Variants in NLRP8 observed in about 807,000 individuals in gnomAD.
NLRP8 encodes the protein NACHT, LRR and PYD domains-containing protein 8.
In NLRP8, 86 loss-of-function variants were observed where a neutral mutation model predicts 88.7. The observed-to-expected ratio is 0.97, with a 90% CI of 0.81 to 1.16. The LOEUF (loss-of-function observed/expected upper bound fraction) is 1.16. Ranked by LOEUF, NLRP8 falls within the 50% of genes most tolerant of loss-of-function variation. The pLI, the probability that NLRP8 is intolerant of heterozygous loss-of-function variation, is 0.00. For synonymous variants in NLRP8, 504 were observed against 494.6 expected, an observed-to-expected ratio of 1.02 and a Z score of -0.25; for missense variants, 1,342 against 1,286.5, an observed-to-expected ratio of 1.04 and a Z score of -0.66.
intron 6 of NLRP8, among the ~76,000 whole-genome samples, chr19:55,971,117 G>A (rs1568465892): frequency 6.6e-6 from 1 of 151,978 alleles, no homozygotes; most frequent in African/African-American, 2.4e-5. Flanking sequence ...CCTTAAACAG[G>A]CATCACATCG....
intron 8 of NLRP8, 72 bp from the exon 9 acceptor site, chr19:55,979,322 G>A (rs545100993): frequency 2.4e-5 from 37 of 1,548,336 alleles, no homozygotes; most frequent in African/African-American, 2.2e-4. Context: ...GCTGTAAGCC[G>A]TCACACCGGC....
intron 8 of NLRP8, among the ~76,000 whole-genome samples, chr19:55,977,220 T>TAC (rs1405131476): frequency 1.9e-4 from 1 of 5,254 alleles, no homozygotes; most frequent in South Asian, 0.011. Flanking sequence ...GATACATATA[T>TAC]ATATATATGT....
rs756232658 is a variant in NLRP8, at chr19:55,987,949, C to T, written c.*36C>T. 7 of 1,487,400 alleles carry T rather than the reference C, an allele frequency of 4.7e-6. No individual in the cohort carries two copies. In the Admixed American group the frequency reaches 5.0e-5, roughly 11 times the overall value. The allele number at this position is 1,487,400 out of a possible 1,614,324, so 92.1% of individuals were successfully genotyped here. On this transcript the variant is annotated 3_prime_UTR_variant, in exon 10 of 10. Transcript: ENST00000291971. ...CATCTTTCTCTGGGGCTTGATTGAT[C>T]AGTTCCCACTCTGACAACTGGCAAA...
intron 9 of NLRP8, among the ~76,000 whole-genome samples, chr19:55,979,817 G>A (rs1980500159): frequency 6.6e-6 from 1 of 152,130 alleles, no homozygotes; most frequent in African/African-American, 2.4e-5. Context: ...TACTCAGGAG[G>A]CTGAGGTGAG....
intron 6 of NLRP8, among the ~76,000 whole-genome samples, chr19:55,971,701 AAGAATTGC>A (rs1346978670): frequency 1.3e-5 from 2 of 152,154 alleles, no homozygotes; most frequent in Admixed American, 6.6e-5. Context: ...ATTCTAAGAA[AAGAATTGC>A]AGGGCCTTGG....
chr19:55,972,272 A>C (rs775319823), intron 6 of NLRP8, among the ~76,000 whole-genome samples: 8 of 150,900 alleles, frequency 5.3e-5, no homozygotes, highest in Non-Finnish European at 7.4e-5. Context: ...CTGCCACCGC[A>C]CTCAGCTGCT....
At position 55,948,066 on chromosome 19, in the gene NLRP8, G is replaced by A. The variant is rs145268550; in HGVS notation, c.164G>A (p.Arg55Gln). Residue 55 changes from arginine to glutamine, a missense_variant, in exon 1 of 10, where the codon CGG becomes CAG. By Grantham distance (43) the Arg-to-Gln change is conservative (BLOSUM62 1). Transcript: ENST00000291971. ...AACGTGAGCCATGAGGAGCTACAAC[G>A]GTTCAAGCAGCTCTTACTGACTGAG... The A allele has an allele frequency of 2.6e-4, 418 of 1,614,056 alleles. No individual in the cohort carries two copies. The highest frequency in any genetic ancestry group is 3.3e-4 in the Non-Finnish European group (395 of 1,180,002).
intron 9 of NLRP8, among the ~76,000 whole-genome samples, chr19:55,983,501 C>T (rs1424031361): frequency 2.1e-5 from 3 of 141,200 alleles, no homozygotes; most frequent in Non-Finnish European, 3.0e-5. Flanking sequence ...AAATGAAAGA[C>T]GAAATGTGGT....
intron 3 of NLRP8, among the ~76,000 whole-genome samples, chr19:55,960,838 T>C (rs1045977169): frequency 1.3e-5 from 2 of 151,970 alleles, no homozygotes; most frequent in African/African-American, 4.8e-5. Context: ...ATAGGTGTGC[T>C]AGAGATGATT....
chr19:55,981,835 T>C (rs999712534), intron 9 of NLRP8, among the ~76,000 whole-genome samples: 1 of 152,228 alleles, frequency 6.6e-6, no homozygotes, highest in Non-Finnish European at 1.5e-5. Context: ...AATGTTTTTT[T>C]TCCCCTTCTG....
chr19:55,979,516 C>T lies in NLRP8; in HGVS notation c.2999C>T (p.Thr1000Ile). The T allele has an allele frequency of 6.2e-7, 1 of 1,614,190 alleles. No individual in the cohort carries two copies. Among genetic ancestry groups the T allele is most frequent in the Non-Finnish European group, 8.5e-7 (1 of 1,180,032 alleles). Residue 1000 changes from threonine (T) to isoleucine (I), a missense_variant, in exon 9 of 10, where the codon ACC becomes ATC. Transcript: ENST00000291971. ...GCGATTGGAGTCTATGGTATTCTGA[C>T]CTTGTGCGAGGCCTTCTCAAGCCAA...
At chr19:55,987,670 A>G (rs1305232779) in intron 9 of NLRP8, 2 of 622,806 alleles carry the variant, frequency 3.2e-6, no homozygotes, top group African/African-American at 1.8e-5. Flanking sequence ...GCTGCTTTCT[A>G]ATCATTCAGG....
intron 1 of NLRP8, among the ~76,000 whole-genome samples, chr19:55,949,409 T>A: frequency 6.6e-6 from 1 of 152,124 alleles, no homozygotes; most frequent in East Asian, 1.9e-4. Flanking sequence ...AGCTAATTTT[T>A]GTATTTTTAG....
chr19:55,968,565 A>T (rs551723931), intron 5 of NLRP8, among the ~76,000 whole-genome samples: 10 of 151,804 alleles, frequency 6.6e-5, no homozygotes, highest in Non-Finnish European at 1.0e-4. Context: ...ACATGGTGAA[A>T]CCCTGTCTCT....
Position 55,948,115 on chromosome 19 carries a change from C to T in NLRP8, c.213C>T (p.Ile71=). 6.2e-7 allele frequency: 1 copy of T among 1,614,200 alleles called. No homozygotes were observed. The highest frequency in any genetic ancestry group is 8.5e-7 in the Non-Finnish European group (1 of 1,180,034). ...AGCTCAGTACTGGCACCATGCCCATCACCTGGGACCAGGTCGAGACAGCCA... is the reference window on the plus strand; with the variant it reads ...AGCTCAGTACTGGCACCATGCCCATTACCTGGGACCAGGTCGAGACAGCCA... Residue 71 remains isoleucine (I), a synonymous_variant, in exon 1 of 10, where the codon ATC becomes ATT. Coordinates refer to ENST00000291971, the MANE Select transcript of NLRP8 (RefSeq NM_176811.2).
intron 1 of NLRP8, among the ~76,000 whole-genome samples, chr19:55,951,958 C>A (rs749336022): frequency 1.2e-4 from 18 of 152,076 alleles, no homozygotes; most frequent in African/African-American, 3.4e-4. Flanking sequence ...TGCTATGTTG[C>A]CCAAGCTGGT....
At chr19:55,981,731 T>G (rs1980580553) in intron 9 of NLRP8, among the ~76,000 whole-genome samples, 2 of 152,154 alleles carry the variant, frequency 1.3e-5, no homozygotes, top group African/African-American at 4.8e-5. Context: ...AAAAATGAAG[T>G]GTAACTCTTA....
chr19:55,958,274 A>G (rs1045306573), intron 3 of NLRP8, among the ~76,000 whole-genome samples: 1 of 152,244 alleles, frequency 6.6e-6, no homozygotes, highest in Admixed American at 6.5e-5. Flanking sequence ...GAAAGACTGC[A>G]TAAGTCTTCA....
At chr19:55,963,941 T>A (rs1298694614) in intron 4 of NLRP8, among the ~76,000 whole-genome samples, 2 of 152,128 alleles carry the variant, frequency 1.3e-5, no homozygotes, top group Non-Finnish European at 2.9e-5. Flanking sequence ...TGAATGCTCT[T>A]AAAACTCATC....
Sources: gnomAD v4.1 joint callset for allele counts (sites outside exome capture counted in the v4.1 genomes callset) on GRCh38, gnomAD v4.1.1 for gene constraint, MANE v1.5 for transcripts, NCBI Gene and HGNC (gene_info 2026-07-23, HGNC 2026-07-21) for gene names.